INTS1: variants seen among roughly 807,000 people sequenced by gnomAD.
INTS1 encodes the protein integrator complex subunit 1.
Under a neutral mutation model 241.6 loss-of-function variants are expected in INTS1, and 137 were observed. That is an observed-to-expected ratio of 0.57 (90% CI 0.49 to 0.65). The LOEUF (loss-of-function observed/expected upper bound fraction) is 0.65, where lower values mean the gene tolerates loss of function less well. Ranked by LOEUF, INTS1 falls within the 30% of genes least tolerant of loss-of-function variation. INTS1 has a pLI of 0.00. For missense variants in INTS1, 3,073 were observed against 3,032.2 expected, an observed-to-expected ratio of 1.01 and a Z score of -0.32; for synonymous variants, 1,692 against 1,337.8, an observed-to-expected ratio of 1.26 and a Z score of -5.78.
At chr7:1,496,449 C>T (rs573275922) in intron 11 of INTS1, among the ~76,000 whole-genome samples, 185 bp from the exon 12 acceptor site, 2 of 141,536 alleles carry the variant, frequency 1.4e-5, no homozygotes, top group African/African-American at 5.3e-5. Context: ...TCCACACCCA[C>T]GTGGGCGCGG....
chr7:1,486,735 C>A lies in INTS1; in HGVS notation c.2866G>T (p.Asp956Tyr), dbSNP rs762573182. ...TCAGCCTTCGGGCCCAGTAGCAGGT[C>A]CTGCAGGCGGCCCAGCAGCTGCCGC... ...KQRQLLGRLQDLLLGPKADEQ... is the reference protein window; with the variant it reads ...KQRQLLGRLQYLLLGPKADEQ... Residue 956 changes from aspartate to tyrosine, a missense_variant, in exon 22 of 48, where the codon GAC (aspartate) becomes TAC (tyrosine). Transcript: ENST00000404767. 2.5e-6 allele frequency: 4 copies of A among 1,612,430 alleles called. No homozygotes were observed. The highest frequency in any genetic ancestry group is 1.7e-5 in the Admixed American group (1 of 60,002).
intron 32 of INTS1, 86 bp from the exon 33 acceptor site, chr7:1,478,592 G>A: frequency 6.6e-7 from 1 of 1,524,638 alleles, no homozygotes; most frequent in South Asian, 1.2e-5. Context: ...CGGTAGAAGG[G>A]CTCCCCTGGG....
At chr7:1,489,705 C>T (rs371941114) in intron 16 of INTS1, 23 bp from the exon 17 acceptor site, 106 of 1,464,194 alleles carry the variant, frequency 7.2e-5, no homozygotes, top group Non-Finnish European at 9.1e-5. Context: ...GGCGCCCCGA[C>T]TCAGGCCCAG....
rs748045769 is a variant in INTS1 at position 1,474,779 on chromosome 7, C to T, written c.5562G>A (p.Ala1854=). The T allele has an allele frequency of 2.2e-5, 35 of 1,580,144 alleles. No individual in the cohort carries two copies. Among genetic ancestry groups the T allele is most frequent in the South Asian group, 1.7e-4 (15 of 86,058 alleles). The change falls in exon 40 of 48, where the codon GCG becomes GCA. Residue 1854 remains alanine, a synonymous_variant. Coordinates refer to ENST00000404767, the MANE Select transcript of INTS1 (RefSeq NM_001080453.3). ...TLLADTSDSR[A]LENRGADASM... ...TGGCATCCGCCCCTCGGTTCTCCAACGCCCGGGAGTCGCTGGTGTCCGCAA... is the reference window on the plus strand; with the variant it reads ...TGGCATCCGCCCCTCGGTTCTCCAATGCCCGGGAGTCGCTGGTGTCCGCAA...
chr7:1,475,650 C>A (rs944502190), intron 39 of INTS1, among the ~76,000 whole-genome samples: 1 of 152,208 alleles, frequency 6.6e-6, no homozygotes, highest in African/African-American at 2.4e-5. Flanking sequence ...CCAAACTGAA[C>A]GTGACCCCAC....
At chr7:1,471,106 C>T (rs369044953) in intron 46 of INTS1, 27 bp downstream of exon 46, 191 of 1,546,136 alleles carry the variant, frequency 1.2e-4, no homozygotes, top group Non-Finnish European at 1.6e-4. Context: ...GCGGTGGCGG[C>T]GGGACAGAGG....
At chr7:1,472,563 C>T (rs984571883) in intron 43 of INTS1, among the ~76,000 whole-genome samples, 177 bp from the exon 44 acceptor site, 6 of 152,196 alleles carry the variant, frequency 3.9e-5, no homozygotes, top group African/African-American at 7.2e-5. Context: ...CCTTTGGATC[C>T]GGCGCATGCA....
At position 1,477,014 on chromosome 7, in the gene INTS1, A is replaced by C. The variant is rs947523767; in HGVS notation, c.4939-96T>G. On this transcript the variant is annotated intron_variant, in intron 35 of 47. Coordinates refer to ENST00000404767, the MANE Select transcript of INTS1 (RefSeq NM_001080453.3). Reference sequence around the variant, plus strand: ...AGCTTCCCCAATGAGCCACTCAGAGAGCCGAGGCTTGGGGTGCTGCCGGTA... The same window carrying C: ...AGCTTCCCCAATGAGCCACTCAGAGCGCCGAGGCTTGGGGTGCTGCCGGTA... The C allele has an allele frequency of 7.6e-6, 11 of 1,454,972 alleles. No homozygotes were observed. In the African/African-American group the frequency reaches 1.5e-4, roughly 20 times the overall value. 90.1% of individuals were successfully genotyped at this position (1,454,972 alleles called of 1,614,324 possible). A position where few individuals can be genotyped will look rare whatever the true frequency, so the allele number is the denominator to read the frequency against.
At chr7:1,496,036 G>C (rs1250024315) in intron 12 of INTS1, 120 bp downstream of exon 12, 2 of 713,354 alleles carry the variant, frequency 2.8e-6, no homozygotes, top group Non-Finnish European at 4.8e-6. Flanking sequence ...CCGAGTAGCC[G>C]TGCTGCGGGA....
rs1782669872 is a variant in INTS1, at chr7:1,493,216, C to T, written c.2069-110G>A. 1.0e-5 allele frequency: 7 copies of T among 667,060 alleles called. No homozygotes were observed. Among genetic ancestry groups the T allele is most frequent in the South Asian group, 1.7e-5 (1 of 58,038 alleles). 41.3% of individuals were successfully genotyped at this position (667,060 alleles called of 1,614,324 possible). ...CGCGTCGGGGTGGGGTGGGGGATGC[C>T]GCAGGGTGGGGCGCAGGCCTGAGCA... On this transcript the variant is annotated intron_variant, in intron 15 of 47. Transcript: ENST00000404767. The surrounding 1 kb of genome is among the most constrained non-coding windows in gnomAD (Gnocchi z 5.3).
intron 24 of INTS1, among the ~76,000 whole-genome samples, chr7:1,484,648 C>T (rs1393611123): frequency 6.6e-6 from 1 of 152,238 alleles, no homozygotes; most frequent in African/African-American, 2.4e-5. Flanking sequence ...CCTGGGCCCA[C>T]AGCCCAAACC....
rs558495764 is a variant in INTS1 at position 1,485,574 on chromosome 7, T to C, written c.2977-105A>G. On this transcript the variant is annotated intron_variant, in intron 22 of 47. Transcript: ENST00000404767. ...GGTGCCCTCAGAGCCCCGAGGAGAA[T>C]GTGGCGCTTGCTTCCCACGGGAGAG... is the stretch of plus-strand genomic sequence containing the variant. The C allele has an allele frequency of 1.6e-5, 20 of 1,222,160 alleles. No homozygotes were observed. In the East Asian group the frequency reaches 5.2e-4, roughly 32 times the overall value. The allele number at this position is 1,222,160 out of a possible 1,614,324, so 75.7% of individuals were successfully genotyped here. A position where few individuals can be genotyped will look rare whatever the true frequency, so the allele number is the denominator to read the frequency against.
Position 1,496,235 on chromosome 7 carries a change from G to A in INTS1, c.1632C>T (p.Val544=). ...KERFVVHITD[V]LAVSMMLGIT... is the part of the protein sequence containing the mutation. ...TGCCCAGCATCATGGACACGGCCAG[G>A]ACGTCGGTGATGTGCACCACGAAGC... is the stretch of plus-strand genomic sequence containing the variant. Residue 544 remains valine (V), a synonymous_variant, in exon 12 of 48, where the codon GTC becomes GTT. Transcript: ENST00000404767. 6.2e-7 allele frequency: 1 copy of A among 1,613,784 alleles called. No individual in the cohort carries two copies. The highest frequency in any genetic ancestry group is 8.5e-7 in the Non-Finnish European group (1 of 1,179,816).
rs1475207697 is a variant in INTS1 at position 1,474,705 on chromosome 7, C to G, written c.5636G>C (p.Arg1879Thr). ...LAVAHPLLLLRHLPMIAALLH... is the reference protein window; with the variant it reads ...LAVAHPLLLLTHLPMIAALLH... ...GAGGGCAGGGCTTCTGGGACAGCAC[C>G]TGAGCAGCAGCAGCGGGTGCGCCAC... Residue 1879 changes from arginine (R) to threonine (T), a missense_variant and splice_region_variant, in exon 40 of 48, where the codon AGG becomes ACG. By Grantham distance (71) the Arg-to-Thr change is moderately conservative (BLOSUM62 -1). Coordinates refer to ENST00000404767, the MANE Select transcript of INTS1 (RefSeq NM_001080453.3). 1 of 1,559,112 alleles carries G rather than the reference C, an allele frequency of 6.4e-7. No homozygotes were observed. The highest frequency in any genetic ancestry group is 8.7e-7 in the Non-Finnish European group (1 of 1,153,618).
Position 1,481,046 on chromosome 7 carries a change from A to G in INTS1, c.3851-113T>C. Reference sequence around the variant, plus strand: ...GCCCCCACCGTCACCAGCACTTCCCAAGGACTTCAGAAGCTGGGTGAGCTC... The same window carrying G: ...GCCCCCACCGTCACCAGCACTTCCCGAGGACTTCAGAAGCTGGGTGAGCTC... On this transcript the variant is annotated intron_variant, in intron 28 of 47. Transcript: ENST00000404767. This position sits in a 1 kb window ranked among gnomAD's most constrained non-coding sequence, Gnocchi z 6.8. The G allele has an allele frequency of 2.5e-6, 2 of 796,226 alleles. No individual in the cohort carries two copies. Among genetic ancestry groups the G allele is most frequent in the Non-Finnish European group, 4.2e-6 (2 of 479,164 alleles). The allele number at this position is 796,226 out of a possible 1,614,324, so 49.3% of individuals were successfully genotyped here.
At position 1,504,005 on chromosome 7, in the gene INTS1, C is replaced by A. The variant is rs372091161; in HGVS notation, c.-41-4G>T. The A allele has an allele frequency of 1.1e-5, 16 of 1,436,640 alleles. No individual in the cohort carries two copies. Among genetic ancestry groups the A allele is most frequent in the Non-Finnish European group, 1.4e-5 (15 of 1,054,638 alleles). 89.0% of individuals were successfully genotyped at this position (1,436,640 alleles called of 1,614,324 possible). ...CTCCCGGCGGCTGCGGCGTCACCTG[C>A]GGAGGAGCCAGCGTGCGGTCATTCC... On this transcript the variant is annotated splice_region_variant and splice_polypyrimidine_tract_variant and intron_variant, in intron 1 of 47. Coordinates refer to ENST00000404767, the MANE Select transcript of INTS1 (RefSeq NM_001080453.3).
rs1189422144 is a variant in INTS1 at position 1,474,077 on chromosome 7, C to T, written c.5829+91G>A. 7 of 1,386,494 alleles carry T rather than the reference C, an allele frequency of 5.0e-6. No individual in the cohort carries two copies. In the Admixed American group the frequency reaches 1.6e-4, roughly 32 times the overall value. The allele number at this position is 1,386,494 out of a possible 1,614,324, so 85.9% of individuals were successfully genotyped here. On this transcript the variant is annotated intron_variant, in intron 41 of 47. Transcript: ENST00000404767. ...GGCCTGGGCCCTGGCTGCAGAGGTC[C>T]TCCCAGTCCCTCCGCGAGTGGGTGA...
intron 21 of INTS1, 58 bp downstream of exon 21, chr7:1,486,864 T>C: frequency 7.2e-7 from 1 of 1,390,410 alleles, no homozygotes; most frequent in Non-Finnish European, 9.7e-7. Context: ...AGGCATGGGT[T>C]GCCCTGACAG....
In INTS1 at chr7:1,500,243, C is replaced by T. The variant is rs1414108836; in HGVS notation, c.473G>A (p.Ser158Asn). The T allele has an allele frequency of 6.2e-7, 1 of 1,605,614 alleles. No individual in the cohort carries two copies. Among genetic ancestry groups the T allele is most frequent in the Non-Finnish European group, 8.5e-7 (1 of 1,175,600 alleles). The part of the protein sequence containing the change: ...QLKVTRAKPD[S>N]TLYLSLMYLA... ...GTACATGAGGCTCAGGTAGAGGGTGCTGTCAGGCTTGGCGCGGGTGACCTT... is the reference window on the plus strand; with the variant it reads ...GTACATGAGGCTCAGGTAGAGGGTGTTGTCAGGCTTGGCGCGGGTGACCTT... The change falls in exon 4 of 48, where the codon AGC becomes AAC. Residue 158 changes from serine to asparagine, a missense_variant. Coordinates refer to ENST00000404767, the MANE Select transcript of INTS1 (RefSeq NM_001080453.3).
Sources: gnomAD v4.1 joint callset for allele counts (sites outside exome capture counted in the v4.1 genomes callset) on GRCh38, gnomAD v4.1.1 for gene constraint, Gnocchi (gnomAD v3.1) non-coding constraint, MANE v1.5 for transcripts, NCBI Gene and HGNC (gene_info 2026-07-23, HGNC 2026-07-21) for gene names.